ADAM2: variants seen among roughly 807,000 people sequenced by gnomAD.
The protein encoded by ADAM2 is disintegrin and metalloproteinase domain-containing protein 2.
In ADAM2, 101 loss-of-function variants were observed where a neutral mutation model predicts 99.3. The observed-to-expected ratio is 1.02, with a 90% confidence interval of 0.87 to 1.20. ADAM2 has a LOEUF of 1.20. Among genes scored for constraint, ADAM2 ranks in the 50% most tolerant of loss-of-function variants. The pLI is 0.00. For missense variants in ADAM2, 948 were observed against 878.7 expected (o/e 1.08, Z -1.00); for synonymous variants, 323 against 287.6 (o/e 1.12, Z -1.25).
intron 10 of ADAM2, among the ~76,000 whole-genome samples, 183 bp downstream of exon 10, chr8:39,786,791 T>C (rs982721536): frequency 6.6e-6 from 1 of 152,042 alleles, no homozygotes; most frequent in Non-Finnish European, 1.5e-5. Context: ...GATAGGAAAT[T>C]GAAAAATTTT....
chr8:39,781,566 T>G (rs1803232591), intron 10 of ADAM2, among the ~76,000 whole-genome samples: 2 of 152,220 alleles, frequency 1.3e-5, no homozygotes, highest in Admixed American at 6.5e-5. Flanking sequence ...ACTGTACTTC[T>G]TTTAATTTCT....
chr8:39,825,099 C>T (rs903601729), intron 3 of ADAM2, among the ~76,000 whole-genome samples: 12 of 152,180 alleles, frequency 7.9e-5, no homozygotes, highest in Non-Finnish European at 1.5e-4. Flanking sequence ...GTCCTCCTAG[C>T]TGTTTTCCAA....
chr8:39,785,998 C>A (rs1048543505), intron 10 of ADAM2, among the ~76,000 whole-genome samples: 2 of 152,032 alleles, frequency 1.3e-5, no homozygotes, highest in Admixed American at 6.6e-5. Context: ...AGAATCATAG[C>A]CTTTGCAGCA....
intron 6 of ADAM2, among the ~76,000 whole-genome samples, chr8:39,814,321 T>C (rs1804841962): frequency 6.7e-6 from 1 of 150,196 alleles, no homozygotes; most frequent in Non-Finnish European, 1.5e-5. Context: ...ATCACACCAC[T>C]GCACTCCAGT....
chr8:39,835,973 T>G (rs1159501616), intron 2 of ADAM2, among the ~76,000 whole-genome samples: 1 of 152,036 alleles, frequency 6.6e-6, no homozygotes, highest in Non-Finnish European at 1.5e-5. Flanking sequence ...ATTTTTTTGT[T>G]GGTGGTGGTG....
At position 39,781,105 on chromosome 8, in the gene ADAM2, T is replaced by A. The variant is rs570822147; in HGVS notation, c.892-3944A>T. Among the ~76,000 whole-genome samples, 47 of 152,188 alleles carry A rather than the reference T, an allele frequency of 3.1e-4. No individual in the cohort carries two copies. The East Asian group carries it at 4.4e-3, about 14-fold the overall frequency. ...CTCACTGTAAGTTCCTTTCATACCTTTAAAATAATGTTTTGGATTTGATAC... is the reference window on the plus strand; with the variant it reads ...CTCACTGTAAGTTCCTTTCATACCTATAAAATAATGTTTTGGATTTGATAC... On this transcript the variant is annotated intron_variant, in intron 10 of 20. Transcript: ENST00000265708.
intron 11 of ADAM2, among the ~76,000 whole-genome samples, chr8:39,775,193 C>CT (rs893454063): frequency 2.6e-5 from 4 of 152,006 alleles, no homozygotes; most frequent in Non-Finnish European, 4.4e-5. Context: ...CATTTTAAGA[C>CT]TTTTTTTTAG....
intron 7 of ADAM2, among the ~76,000 whole-genome samples, chr8:39,791,898 A>C (rs1295157542): frequency 6.6e-6 from 1 of 152,098 alleles, no homozygotes; most frequent in Non-Finnish European, 1.5e-5. Context: ...CATGGATCAA[A>C]CACTTAAAAA....
At chr8:39,803,825 T>A (rs1804315778) in intron 7 of ADAM2, among the ~76,000 whole-genome samples, 1 of 152,224 alleles carries the variant, frequency 6.6e-6, no homozygotes, top group African/African-American at 2.4e-5. Flanking sequence ...ACATGTTAGC[T>A]GGAGAGAAGG....
chr8:39,813,643 C>T (rs2129587325), intron 6 of ADAM2, among the ~76,000 whole-genome samples: 1 of 152,242 alleles, frequency 6.6e-6, no homozygotes, highest in South Asian at 2.1e-4. Flanking sequence ...AGCTGGAAAC[C>T]ATCATTCTGA....
At position 39,751,125 on chromosome 8, in the gene ADAM2, C is replaced by G. The variant is rs1047928945; in HGVS notation, c.1798-1381G>C. On this transcript the variant is annotated intron_variant, in intron 16 of 20. Transcript: ENST00000265708. ...GTTGGCTAATTACGGCAATGCATAC[C>G]TCCATTTAAGATTTATGGGGAAATG... Among the ~76,000 whole-genome samples the G allele has an allele frequency of 2.6e-5, 4 of 152,142 alleles. No individual in the cohort carries two copies. The South Asian group carries it at 8.3e-4, about 32-fold the overall frequency.
rs1239994051 is a variant in ADAM2 at position 39,761,239 on chromosome 8, GA to G, written c.1549del (p.Ser517GlnfsTer11). ...GPSECYSHLN[S>X]KTDVSGNCGI... ...ACAGTTTCCAGATACATCAGTCTTTGAATTAAGGTGAGAATAACATTCTGAA... is the reference window on the plus strand; with the variant it reads ...ACAGTTTCCAGATACATCAGTCTTTGATTAAGGTGAGAATAACATTCTGAA... On this transcript the variant is annotated frameshift_variant, in exon 15 of 21. Transcript: ENST00000265708. LOFTEE classifies it high-confidence loss of function. The G allele has an allele frequency of 1.2e-6, 2 of 1,604,604 alleles. No homozygotes were observed. The highest frequency in any genetic ancestry group is 3.4e-5 in the Admixed American group (2 of 59,392).
chr8:39,771,783 G>A (rs1586076832), intron 11 of ADAM2, among the ~76,000 whole-genome samples: 1 of 151,966 alleles, frequency 6.6e-6, no homozygotes, highest in South Asian at 2.1e-4. Context: ...GAATTCAAAT[G>A]ATTACTATCT....
At chr8:39,801,508 A>G (rs757857657) in intron 7 of ADAM2, among the ~76,000 whole-genome samples, 1 of 152,040 alleles carries the variant, frequency 6.6e-6, no homozygotes, top group Non-Finnish European at 1.5e-5. Context: ...TGGCATGGGG[A>G]ATAGGACTTG....
At chr8:39,792,964 T>G (rs916854839) in intron 7 of ADAM2, among the ~76,000 whole-genome samples, 1 of 152,076 alleles carries the variant, frequency 6.6e-6, no homozygotes, top group Non-Finnish European at 1.5e-5. Flanking sequence ...TATGGCACAA[T>G]GACTAACTCT....
intron 12 of ADAM2, among the ~76,000 whole-genome samples, chr8:39,769,162 A>C (rs1802680444): frequency 6.6e-6 from 1 of 152,206 alleles, no homozygotes. Context: ...GAATAAATAA[A>C]GGAAAATTAC....
intron 18 of ADAM2, among the ~76,000 whole-genome samples, chr8:39,747,298 A>C (rs941134871): frequency 6.6e-6 from 1 of 152,156 alleles, no homozygotes; most frequent in African/African-American, 2.4e-5. Flanking sequence ...TGAATTTCTC[A>C]TGTATCAAAT....
intron 3 of ADAM2, among the ~76,000 whole-genome samples, chr8:39,828,253 A>G (rs959628805): frequency 1.3e-5 from 2 of 151,818 alleles, no homozygotes; most frequent in African/African-American, 4.8e-5. Context: ...ATTTAAAAAT[A>G]TACAGGTTTG....
In ADAM2 at chr8:39,829,821, C is replaced by T. The variant is rs75978984; in HGVS notation, c.188+4123G>A. ...AAAATGAATAGCTTGGAATTACTTG[C>T]GACAACATTGAAAAAACCTCACAAA... On this transcript the variant is annotated intron_variant, in intron 3 of 20. Coordinates refer to ENST00000265708, the MANE Select transcript of ADAM2 (RefSeq NM_001464.5). Among the ~76,000 whole-genome samples, 1,398 of 151,992 alleles carry T rather than the reference C, an allele frequency of 9.2e-3. 18 individuals are homozygous for T. The highest frequency in any genetic ancestry group is 0.032 in the African/African-American group (1,337 of 41,498).
Sources: gnomAD v4.1 joint callset for allele counts (sites outside exome capture counted in the v4.1 genomes callset) on GRCh38, gnomAD v4.1.1 for gene constraint, MANE v1.5 for transcripts, NCBI Gene and HGNC (gene_info 2026-07-23, HGNC 2026-07-21) for gene names.